PEX11A: variants seen among roughly 807,000 people sequenced by gnomAD.
PEX11A encodes the protein peroxisomal membrane protein 11A.
In PEX11A, 13 loss-of-function variants were observed where a neutral mutation model predicts 14.4. The ratio of observed to expected loss-of-function variants is 0.90; its 90% CI spans 0.59 to 1.43. The LOEUF is 1.43. Ranked by LOEUF, PEX11A falls within the 40% of genes most tolerant of loss-of-function variation. The probability of loss-of-function intolerance (pLI) is 0.00; values close to 1 mark genes in which losing one functional copy is unlikely to be tolerated. For synonymous variants in PEX11A, 101 were observed against 113.0 expected (o/e 0.89, Z 0.67); for missense variants, 290 against 302.8 (o/e 0.96, Z 0.31).
Position 89,690,525 on chromosome 15 carries a change from G to C in PEX11A, c.56+52C>G, listed in dbSNP as rs182346553. On this transcript the variant is annotated intron_variant, in intron 1 of 2. Transcript: ENST00000300056. ...TTCCCGGGTGCAGGGGAATAGGCAC[G>C]GGAGCCGAGTTAGGGCGAGAAAGGG... is the stretch of plus-strand genomic sequence containing the variant. 4,005 of 1,401,678 alleles carry C rather than the reference G, an allele frequency of 2.9e-3. 13 individuals are homozygous for C. Among genetic ancestry groups the C allele is most frequent in the Non-Finnish European group, 3.5e-3 (3,569 of 1,015,528 alleles). The allele number at this position is 1,401,678 out of a possible 1,614,324, so 86.8% of individuals were successfully genotyped here.
At chr15:89,685,203 C>CAAAAA (rs869275308) in intron 2 of PEX11A, among the ~76,000 whole-genome samples, 19 of 24,438 alleles carry the variant, frequency 7.8e-4, no homozygotes, top group East Asian at 1.4e-3. Flanking sequence ...GACTCCATCT[C>CAAAAA]AAAAAAAAAA....
Position 89,683,386 on chromosome 15 carries a change from C to A in PEX11A, c.735G>T (p.Lys245Asn), listed in dbSNP as rs1275390878. 5 of 1,611,236 alleles carry A rather than the reference C, an allele frequency of 3.1e-6. No individual in the cohort carries two copies. In the African/African-American group the frequency reaches 4.0e-5, roughly 13 times the overall value. Reference protein sequence around the residue: ...ITVAYPQMKLKTR With the variant: ...ITVAYPQMKLNTR ...CAAGCCTAAAAACACCCTAACGGGT[C>A]TTCAGCTTCATCTGAGGATATGCCA... is the stretch of plus-strand genomic sequence containing the variant. Residue 245 changes from lysine to asparagine, a missense_variant, in exon 3 of 3, where the codon AAG (lysine) becomes AAT (asparagine). Lys to Asn is a moderately conservative substitution (Grantham distance 94). Coordinates refer to ENST00000300056, the MANE Select transcript of PEX11A (RefSeq NM_003847.3).
At chr15:89,686,918 T>C (rs1964685398) in intron 1 of PEX11A, among the ~76,000 whole-genome samples, 1 of 151,300 alleles carries the variant, frequency 6.6e-6, no homozygotes, top group Non-Finnish European at 1.5e-5. Flanking sequence ...TAGATTTCTT[T>C]CTTTGTTTTT....
intron 2 of PEX11A, among the ~76,000 whole-genome samples, chr15:89,686,128 T>C (rs186173073): frequency 3.9e-5 from 6 of 152,348 alleles, no homozygotes; most frequent in Admixed American, 3.9e-4. Flanking sequence ...TGTCAGAGAC[T>C]GCTAAAACAT....
chr15:89,683,846 T>A lies in PEX11A; in HGVS notation c.275A>T (p.Asn92Ile). The A allele has an allele frequency of 6.2e-7, 1 of 1,613,936 alleles. No homozygotes were observed. Among genetic ancestry groups the A allele is most frequent in the Non-Finnish European group, 8.5e-7 (1 of 1,179,890 alleles). ...GTCACAGATGAAATAAATCACACGGTTCAGGTTGGCTAATGTTAAGCATAA... is the reference window on the plus strand; with the variant it reads ...GTCACAGATGAAATAAATCACACGGATCAGGTTGGCTAATGTTAAGCATAA... Reference protein sequence around the residue: ...PRLCLTLANLNRVIYFICDTI... With the variant: ...PRLCLTLANLIRVIYFICDTI... Residue 92 changes from asparagine (N) to isoleucine (I), a missense_variant, in exon 3 of 3, where the codon AAC becomes ATC. Transcript: ENST00000300056.
At chr15:89,690,530 C>T (rs1964813020) in intron 1 of PEX11A, 47 bp downstream of exon 1, 2 of 1,452,350 alleles carry the variant, frequency 1.4e-6, no homozygotes, top group Non-Finnish European at 1.9e-6. Flanking sequence ...GGCACGGGAG[C>T]CGAGTTAGGG....
chr15:89,686,824 A>T lies in PEX11A; in HGVS notation c.57-278T>A, dbSNP rs138230220. ...AAAGGCCTTTTGCTGGCACAGAGAA[A>T]TGGATATAGTCAAAGTGAGAAACTG... On this transcript the variant is annotated intron_variant, in intron 1 of 2. Transcript: ENST00000300056. Among the ~76,000 whole-genome samples, 680 of 133,980 alleles carry T rather than the reference A, an allele frequency of 5.1e-3. 7 individuals carry two copies. The highest frequency in any genetic ancestry group is 0.018 in the African/African-American group (650 of 36,146). 87.9% of individuals were successfully genotyped at this position (133,980 alleles called of 152,430 possible). A position where few individuals can be genotyped will look rare whatever the true frequency, so the allele number is the denominator to read the frequency against.
At position 89,683,663 on chromosome 15, in the gene PEX11A, C is replaced by G. The variant is rs146934539; in HGVS notation, c.458G>C (p.Arg153Thr). The change falls in exon 3 of 3, where the codon AGG becomes ACG. Residue 153 changes from arginine to threonine, a missense_variant. Transcript: ENST00000300056. ...GGATGCTGATTTCTCTTTCTTTGCC[C>G]TGTCACATGTAACTCGTTTCATCTG... ...SLQMKRVTCD[R>T]AKKEKSASQD... The G allele has an allele frequency of 2.5e-6, 4 of 1,614,076 alleles. No homozygotes were observed. Among genetic ancestry groups the G allele is most frequent in the Non-Finnish European group, 3.4e-6 (4 of 1,180,056 alleles).
intron 2 of PEX11A, 29 bp from the exon 3 acceptor site, chr15:89,683,977 G>C: frequency 2.1e-6 from 3 of 1,449,376 alleles, no homozygotes; most frequent in Non-Finnish European, 2.9e-6. Flanking sequence ...ATAGTGAACA[G>C]TTATTTCATT....
intron 1 of PEX11A, among the ~76,000 whole-genome samples, chr15:89,690,016 C>T (rs1033197173): frequency 1.1e-4 from 16 of 152,270 alleles, no homozygotes; most frequent in South Asian, 4.1e-4. Flanking sequence ...CCTGTAATCC[C>T]AGCTACTCAG....
At chr15:89,687,880 A>G (rs1964699990) in intron 1 of PEX11A, 4 of 441,088 alleles carry the variant, frequency 9.1e-6, no homozygotes, top group Non-Finnish European at 1.7e-5. Context: ...TTATTTTTGA[A>G]GTGAACATAA....
intron 1 of PEX11A, among the ~76,000 whole-genome samples, chr15:89,688,537 C>T (rs1398999659): frequency 6.6e-6 from 1 of 151,578 alleles, no homozygotes; most frequent in Non-Finnish European, 1.5e-5. Context: ...GGATTACAGG[C>T]ATGTGCCATC....
intron 1 of PEX11A, among the ~76,000 whole-genome samples, chr15:89,689,306 C>T (rs1443115545): frequency 6.6e-6 from 1 of 152,106 alleles, no homozygotes; most frequent in Non-Finnish European, 1.5e-5. Flanking sequence ...TTTAGAGTAT[C>T]TACCTCATAG....
At position 89,687,527 on chromosome 15, in the gene PEX11A, A is replaced by C. The variant is rs1964695399; in HGVS notation, c.57-981T>G. On this transcript the variant is annotated intron_variant, in intron 1 of 2. Transcript: ENST00000300056. ...CAAATAACAATGACTTACTAATATA[A>C]ATGTAGGAGAAATTTTACATCACAT... Among the ~76,000 whole-genome samples the C allele has an allele frequency of 2.0e-5, 3 of 152,218 alleles. No individual in the cohort carries two copies. In the South Asian group the frequency reaches 6.2e-4, roughly 32 times the overall value.
At chr15:89,688,758 C>T (rs894868318) in intron 1 of PEX11A, among the ~76,000 whole-genome samples, 5 of 151,016 alleles carry the variant, frequency 3.3e-5, no homozygotes, top group Non-Finnish European at 7.4e-5. Context: ...CTCTGTTGCC[C>T]AGGCTGGAGT....
chr15:89,686,919 C>CTT (rs869187835), intron 1 of PEX11A, among the ~76,000 whole-genome samples: 3 of 142,760 alleles, frequency 2.1e-5, no homozygotes, highest in African/African-American at 7.8e-5. Flanking sequence ...AGATTTCTTT[C>CTT]TTTGTTTTTT....
intron 1 of PEX11A, chr15:89,688,099 C>A (rs1433093392): frequency 2.1e-5 from 11 of 534,630 alleles, no homozygotes; most frequent in South Asian, 1.5e-4. Flanking sequence ...TCGGCTTAGT[C>A]TGCCCACCAC....
Position 89,683,498 on chromosome 15 carries a change from G to C in PEX11A, c.623C>G (p.Pro208Arg). The C allele has an allele frequency of 6.2e-7, 1 of 1,614,132 alleles. No homozygotes were observed. The highest frequency in any genetic ancestry group is 8.5e-7 in the Non-Finnish European group (1 of 1,179,954). ...TVKNLCDILNPLDQLGIYKSN... is the reference protein window; with the variant it reads ...TVKNLCDILNRLDQLGIYKSN... ...TTTATAGATCCCCAGCTGGTCCAAA[G>C]GGTTCAGGATATCACAAAGGTTCTT... The change falls in exon 3 of 3, where the codon CCT (proline) becomes CGT (arginine). Residue 208 changes from proline (P) to arginine (R), a missense_variant. Transcript: ENST00000300056.
intron 1 of PEX11A, among the ~76,000 whole-genome samples, chr15:89,688,935 C>G (rs1481932150): frequency 6.6e-6 from 1 of 151,590 alleles, no homozygotes. Context: ...AGGATGGTCT[C>G]GATCTCCTGA....
Sources: allele counts gnomAD v4.1 joint callset (sites outside exome capture counted in the v4.1 genomes callset), GRCh38; gene constraint gnomAD v4.1.1; transcripts MANE v1.5; gene names NCBI Gene and HGNC (gene_info 2026-07-23, HGNC 2026-07-21).